Variants in TEAD1 observed in about 807,000 individuals in gnomAD.
The protein encoded by TEAD1 is transcriptional enhancer factor TEF-1.
In TEAD1, 9 loss-of-function variants were observed where a neutral mutation model predicts 54.9. That is an observed-to-expected ratio of 0.16 (90% CI 0.10 to 0.29). TEAD1 has a LOEUF of 0.29. Among genes scored for constraint, TEAD1 ranks in the 10% least tolerant of loss-of-function variants. The probability of loss-of-function intolerance (pLI) is 1.00; values close to 1 mark genes in which losing one functional copy is unlikely to be tolerated. For missense variants in TEAD1, 387 were observed against 535.9 expected, an observed-to-expected ratio of 0.72 and a Z score of 2.74; for synonymous variants, 200 against 187.8, an observed-to-expected ratio of 1.07 and a Z score of -0.53.
intron 3 of TEAD1, among the ~76,000 whole-genome samples, chr11:12,785,895 T>A (rs1161620985): frequency 6.6e-6 from 1 of 152,248 alleles, no homozygotes; most frequent in Non-Finnish European, 1.5e-5. Flanking sequence ...AACTTAGTTT[T>A]TTTTTCCAAC....
At chr11:12,746,883 G>C (rs1478662837) in intron 2 of TEAD1, among the ~76,000 whole-genome samples, 2 of 152,216 alleles carry the variant, frequency 1.3e-5, no homozygotes, top group Non-Finnish European at 2.9e-5. Flanking sequence ...AGCAGGGGCT[G>C]GGATGCCACA....
chr11:12,837,950 C>A (rs919299580), intron 3 of TEAD1, among the ~76,000 whole-genome samples: 1 of 151,994 alleles, frequency 6.6e-6, no homozygotes, highest in Non-Finnish European at 1.5e-5. Flanking sequence ...CCTGCCACCA[C>A]GCCCGCTAAT....
chr11:12,848,413 A>G (rs560051352), intron 3 of TEAD1, among the ~76,000 whole-genome samples: 1 of 152,304 alleles, frequency 6.6e-6, no homozygotes, highest in African/African-American at 2.4e-5. Context: ...AGTCCATTTC[A>G]TGGCTGGATT....
chr11:12,777,688 T>C (rs1465935975), intron 3 of TEAD1, among the ~76,000 whole-genome samples: 3 of 152,232 alleles, frequency 2.0e-5, no homozygotes, highest in Non-Finnish European at 4.4e-5. Flanking sequence ...GCAATCTCTG[T>C]ACTAAGATGT....
chr11:12,683,590 A>AT (rs1251295720), intron 2 of TEAD1, among the ~76,000 whole-genome samples: 3 of 151,688 alleles, frequency 2.0e-5, no homozygotes, highest in African/African-American at 4.9e-5. Flanking sequence ...GAACAGGGGG[A>AT]TTTTTTCCAG....
chr11:12,739,354 G>A (rs1369188176), intron 2 of TEAD1, among the ~76,000 whole-genome samples: 1 of 152,098 alleles, frequency 6.6e-6, no homozygotes, highest in Non-Finnish European at 1.5e-5. Flanking sequence ...TAAGTGCATT[G>A]ACATTGTTTT....
intron 5 of TEAD1, among the ~76,000 whole-genome samples, chr11:12,869,424 G>A (rs1316002118): frequency 6.6e-6 from 1 of 152,146 alleles, no homozygotes; most frequent in African/African-American, 2.4e-5. Context: ...TACTCATTGT[G>A]TTTAAAGAAT....
intron 5 of TEAD1, chr11:12,865,543 A>C (rs898745621): frequency 6.6e-6 from 1 of 152,180 alleles, no homozygotes; most frequent in Non-Finnish European, 1.5e-5. Context: ...AAAAAAAGAT[A>C]GATCTTAGAG....
intron 3 of TEAD1, among the ~76,000 whole-genome samples, chr11:12,834,609 A>AT (rs59798659): frequency 0.035 from 5,277 of 152,080 alleles, 338 homozygotes; most frequent in African/African-American, 0.12. Context: ...AATTAAAGAT[A>AT]TTTTTTGTTT....
At chr11:12,924,885 C>T (rs1948880654) in intron 10 of TEAD1, 27 bp from the exon 11 acceptor site, 1 of 1,614,054 alleles carries the variant, frequency 6.2e-7, no homozygotes, top group Non-Finnish European at 8.5e-7. Context: ...GAGAGAATAA[C>T]CCACACCTCC....
intron 7 of TEAD1, 79 bp downstream of exon 7, chr11:12,881,130 G>A: frequency 2.7e-6 from 4 of 1,487,542 alleles, no homozygotes; most frequent in Non-Finnish European, 3.8e-6. Context: ...CTGGACCATA[G>A]TGTCTCAGGG....
At chr11:12,757,484 C>T (rs1945006758) in intron 2 of TEAD1, among the ~76,000 whole-genome samples, 1 of 152,306 alleles carries the variant, frequency 6.6e-6, no homozygotes, top group Non-Finnish European at 1.5e-5. Flanking sequence ...TTATTTGTCC[C>T]TCTAACACAG....
At chr11:12,893,970 TC>T (rs895050037) in intron 9 of TEAD1, among the ~76,000 whole-genome samples, 2 of 151,776 alleles carry the variant, frequency 1.3e-5, no homozygotes, top group African/African-American at 4.8e-5. Context: ...CCATTCCCTG[TC>T]CCCCCAGGGG....
chr11:12,852,194 A>T lies in TEAD1; in HGVS notation c.203-10056A>T, dbSNP rs182147055. On this transcript the variant is annotated intron_variant, in intron 3 of 12. Coordinates refer to ENST00000527636, the MANE Select transcript of TEAD1 (RefSeq NM_021961.6). ...ACTCTATGAAGAGCCACATTCTAGAATAGAGGAGCCCTATACAGGAGTGGG... is the reference window on the plus strand; with the variant it reads ...ACTCTATGAAGAGCCACATTCTAGATTAGAGGAGCCCTATACAGGAGTGGG... 3.1e-4 allele frequency among the ~76,000 whole-genome samples: 47 copies of T among 151,982 alleles called. No homozygotes were observed. In the East Asian group the frequency reaches 8.6e-3, roughly 28 times the overall value.
At chr11:12,756,096 G>A (rs1944979075) in intron 2 of TEAD1, among the ~76,000 whole-genome samples, 1 of 152,208 alleles carries the variant, frequency 6.6e-6, no homozygotes, top group African/African-American at 2.4e-5. Flanking sequence ...GGGATTCTCA[G>A]GAGGGTAATG....
At chr11:12,853,441 T>G (rs1947313435) in intron 3 of TEAD1, among the ~76,000 whole-genome samples, 1 of 152,120 alleles carries the variant, frequency 6.6e-6, no homozygotes, top group Admixed American at 6.6e-5. Context: ...TTTAGGTAGC[T>G]GTGTAGAGGA....
chr11:12,818,487 C>T (rs752641071), intron 3 of TEAD1, among the ~76,000 whole-genome samples: 2 of 152,068 alleles, frequency 1.3e-5, no homozygotes, highest in Non-Finnish European at 2.9e-5. Flanking sequence ...GTTTGGAGAT[C>T]AGTGGTGGTG....
At chr11:12,799,909 G>GT (rs148748153) in intron 3 of TEAD1, among the ~76,000 whole-genome samples, 1,569 of 152,222 alleles carry the variant, frequency 0.01, 28 homozygotes, top group African/African-American at 0.037. Context: ...TGAGAATGCA[G>GT]TTTTTTTGAA....
At chr11:12,824,975 A>G in intron 3 of TEAD1, among the ~76,000 whole-genome samples, 1 of 152,146 alleles carries the variant, frequency 6.6e-6, no homozygotes. Context: ...TCTTTCATCT[A>G]TTAGATGACA....
Sources: allele counts gnomAD v4.1 joint callset (sites outside exome capture counted in the v4.1 genomes callset), GRCh38; gene constraint gnomAD v4.1.1; transcripts MANE v1.5; gene names NCBI Gene and HGNC (gene_info 2026-07-23, HGNC 2026-07-21).